The following LRRIQ1 variants were observed in gnomAD, a reference collection of about 807,000 sequenced individuals.
The protein encoded by LRRIQ1 is leucine-rich repeat- and IQ domain-containing protein 1.
In LRRIQ1, 210 loss-of-function variants were observed where a neutral mutation model predicts 211.9. The observed-to-expected ratio is 0.99, with a 90% CI of 0.89 to 1.11. The LOEUF is 1.11. Among genes scored for constraint, LRRIQ1 ranks in the 50% most tolerant of loss-of-function variants. The pLI is 0.00. For synonymous variants in LRRIQ1, 699 were observed against 650.1 expected, an observed-to-expected ratio of 1.08 and a Z score of -1.14; for missense variants, 2,136 against 1,939.5, an observed-to-expected ratio of 1.10 and a Z score of -1.90.
intron 8 of LRRIQ1, among the ~76,000 whole-genome samples, chr12:85,065,036 C>T (rs905906456): frequency 6.6e-6 from 1 of 151,612 alleles, no homozygotes; most frequent in Admixed American, 6.6e-5. Flanking sequence ...TGTATCTTAC[C>T]TTTGGACTTG....
At chr12:85,216,299 A>G (rs373084698) in intron 24 of LRRIQ1, among the ~76,000 whole-genome samples, 5 of 152,114 alleles carry the variant, frequency 3.3e-5, no homozygotes, top group African/African-American at 1.2e-4. Context: ...TTTGTTGAGA[A>G]TGATGGCTTC....
At chr12:85,124,651 G>A (rs1203337352) in intron 17 of LRRIQ1, 132 bp downstream of exon 17, 19 of 701,296 alleles carry the variant, frequency 2.7e-5, no homozygotes, top group African/African-American at 9.0e-5. Flanking sequence ...ATTCCATTAT[G>A]TTTTCGTGAG....
intron 11 of LRRIQ1, among the ~76,000 whole-genome samples, chr12:85,081,448 C>CT (rs57690294): frequency 8.0e-4 from 118 of 147,720 alleles, no homozygotes; most frequent in Admixed American, 2.5e-3. Context: ...TTTGGATTGG[C>CT]TTTTTTTTTT....
intron 24 of LRRIQ1, among the ~76,000 whole-genome samples, chr12:85,163,553 TA>T (rs879741845): frequency 2.6e-5 from 4 of 151,512 alleles, no homozygotes; most frequent in Non-Finnish European, 5.9e-5. Flanking sequence ...TGTATAAATT[TA>T]AAAAAAAATT....
chr12:85,220,405 C>T (rs1469888666), intron 24 of LRRIQ1, among the ~76,000 whole-genome samples: 1 of 151,864 alleles, frequency 6.6e-6, no homozygotes. Context: ...ATTTAGAAAA[C>T]TGATTTATTT....
At chr12:85,069,521 C>T (rs1212270879) in intron 10 of LRRIQ1, among the ~76,000 whole-genome samples, 4 of 152,056 alleles carry the variant, frequency 2.6e-5, no homozygotes, top group African/African-American at 4.8e-5. Flanking sequence ...GCCACGCTGA[C>T]TTCCACAATG....
chr12:85,077,024 A>T (rs1396011416), intron 11 of LRRIQ1, among the ~76,000 whole-genome samples: 1 of 152,142 alleles, frequency 6.6e-6, no homozygotes, highest in Non-Finnish European at 1.5e-5. Flanking sequence ...TATAATCCTG[A>T]AGTACTTTTG....
chr12:85,268,234 T>G (rs1593040646), downstream of LRRIQ1, among the ~76,000 whole-genome samples: 1 of 152,120 alleles, frequency 6.6e-6, no homozygotes, highest in Admixed American at 6.6e-5. Context: ...ACTCAATGTT[T>G]CAAATACATA....
intron 11 of LRRIQ1, among the ~76,000 whole-genome samples, chr12:85,079,369 G>A (rs1479534556): frequency 2.0e-5 from 3 of 149,308 alleles, no homozygotes; most frequent in Non-Finnish European, 4.4e-5. Context: ...TATTACAGGC[G>A]CTCACCACCA....
At chr12:85,186,425 G>C (rs1250509701) in intron 24 of LRRIQ1, among the ~76,000 whole-genome samples, 1 of 152,088 alleles carries the variant, frequency 6.6e-6, no homozygotes, top group Non-Finnish European at 1.5e-5. Flanking sequence ...CATTGCTTCT[G>C]TTGCCTCGAT....
chr12:85,163,829 T>C (rs1891020860), intron 24 of LRRIQ1, among the ~76,000 whole-genome samples: 1 of 152,154 alleles, frequency 6.6e-6, no homozygotes, highest in Non-Finnish European at 1.5e-5. Context: ...GATGTTCTTC[T>C]ATTTTTTCTA....
At chr12:85,217,696 ATG>A (rs538092317) in intron 24 of LRRIQ1, among the ~76,000 whole-genome samples, 16 of 145,312 alleles carry the variant, frequency 1.1e-4, no homozygotes, top group African/African-American at 3.9e-4. Context: ...ATGTGTATAT[ATG>A]TATATATGTG....
intron 14 of LRRIQ1, among the ~76,000 whole-genome samples, chr12:85,105,854 T>C (rs1886743308): frequency 7.0e-6 from 1 of 142,306 alleles, no homozygotes; most frequent in Non-Finnish European, 1.5e-5. Context: ...TGGAGTGCAA[T>C]AGCATGATCT....
chr12:85,218,420 A>G (rs1894253858), intron 24 of LRRIQ1, among the ~76,000 whole-genome samples: 1 of 152,104 alleles, frequency 6.6e-6, no homozygotes, highest in South Asian at 2.1e-4. Flanking sequence ...AAAAATAGTA[A>G]TATGGCTAGT....
intron 24 of LRRIQ1, among the ~76,000 whole-genome samples, chr12:85,210,762 C>T (rs1893800664): frequency 7.0e-6 from 1 of 142,038 alleles, no homozygotes; most frequent in South Asian, 2.1e-4. Flanking sequence ...TAGTTTCAGA[C>T]TATTTTTTAA....
chr12:85,152,245 G>A, intron 19 of LRRIQ1, 35 bp from the exon 20 acceptor site: 2 of 1,523,796 alleles, frequency 1.3e-6, no homozygotes, highest in Non-Finnish European at 1.8e-6. Context: ...AGTTATGTAA[G>A]CTAAATTACA....
At chr12:85,252,805 C>T (rs912805076) in intron 1 of LRRIQ1, among the ~76,000 whole-genome samples, 1 of 151,774 alleles carries the variant, frequency 6.6e-6, no homozygotes, top group Non-Finnish European at 1.5e-5. Flanking sequence ...AAAAATTGTA[C>T]CTTTGAAGTT....
At chr12:85,122,051 A>T (rs1888025461) in intron 16 of LRRIQ1, among the ~76,000 whole-genome samples, 175 bp downstream of exon 16, 2 of 152,174 alleles carry the variant, frequency 1.3e-5, no homozygotes, top group Non-Finnish European at 2.9e-5. Flanking sequence ...GAAATATATT[A>T]ATATGTATTT....
chr12:85,057,119 A>T lies in LRRIQ1; in HGVS notation c.2326A>T (p.Asn776Tyr). The T allele has an allele frequency of 3.8e-6, 6 of 1,599,010 alleles. No individual in the cohort carries two copies. The highest frequency in any genetic ancestry group is 5.1e-6 in the Non-Finnish European group (6 of 1,175,264). ...RRKRPVKCPA[N>Y]MTPALDKLEI... ...AAAGAGACCTGTGAAATGCCCAGCC[A>T]ACATGACACCCGCTTTGGATAAACT... Residue 776 changes from asparagine to tyrosine, a missense_variant, in exon 8 of 27, where the codon AAC becomes TAC. Asn to Tyr is a moderately radical substitution (Grantham distance 143). Coordinates refer to ENST00000393217, the MANE Select transcript of LRRIQ1 (RefSeq NM_001079910.2).
Sources: allele counts gnomAD v4.1 joint callset (sites outside exome capture counted in the v4.1 genomes callset), GRCh38; gene constraint gnomAD v4.1.1; transcripts MANE v1.5; gene names NCBI Gene and HGNC (gene_info 2026-07-23, HGNC 2026-07-21).